The following AKAP13 variants were observed in gnomAD, a reference collection of about 807,000 sequenced individuals.
The protein encoded by AKAP13 is A-kinase anchor protein 13.
A neutral mutation model predicts 264.5 loss-of-function variants in AKAP13; 80 were observed. The observed-to-expected ratio is 0.30, with a 90% CI of 0.25 to 0.36. The LOEUF (loss-of-function observed/expected upper bound fraction) is 0.36, where lower values mean the gene tolerates loss of function less well. AKAP13 is among the 10% of genes least tolerant of loss of function. The pLI is 1.00. For synonymous variants in AKAP13, 1,380 were observed against 1,250.2 expected (o/e 1.10, Z -2.19); for missense variants, 3,712 against 3,435.2 (o/e 1.08, Z -2.01).
intron 7 of AKAP13, among the ~76,000 whole-genome samples, chr15:85,582,498 G>A (rs549132935): frequency 6.6e-6 from 1 of 152,078 alleles, no homozygotes; most frequent in South Asian, 2.1e-4. Context: ...AAAAAGCTGT[G>A]TTTTATCTAC....
chr15:85,743,875 T>TGAGA, intron 36 of AKAP13, 50 bp downstream of exon 36: 1 of 1,544,642 alleles, frequency 6.5e-7, no homozygotes, highest in South Asian at 1.2e-5. Flanking sequence ...CTGTGCATTC[T>TGAGA]GAGAGAGGGT....
intron 9 of AKAP13, 119 bp downstream of exon 9, chr15:85,639,568 G>A (rs2082210656): frequency 2.7e-6 from 2 of 750,960 alleles, no homozygotes; most frequent in Admixed American, 4.7e-5. Flanking sequence ...AGGGATGTAT[G>A]TGATCTGGGT....
chr15:85,587,415 C>G (rs1333318281), intron 8 of AKAP13, among the ~76,000 whole-genome samples: 1 of 152,140 alleles, frequency 6.6e-6, no homozygotes, highest in Non-Finnish European at 1.5e-5. Context: ...AAATACTGTT[C>G]CGTTGTATAG....
chr15:85,545,458 GT>G (rs1216989408), intron 5 of AKAP13, among the ~76,000 whole-genome samples: 2 of 152,190 alleles, frequency 1.3e-5, no homozygotes, highest in Admixed American at 1.3e-4. Flanking sequence ...ACTAGAGTGT[GT>G]TTGTTCTTTG....
At chr15:85,600,240 C>A (rs1454845369) in intron 8 of AKAP13, among the ~76,000 whole-genome samples, 1 of 148,192 alleles carries the variant, frequency 6.7e-6, no homozygotes, top group Non-Finnish European at 1.5e-5. Context: ...ATGTTTAATT[C>A]TTTTAGCAGT....
intron 8 of AKAP13, among the ~76,000 whole-genome samples, chr15:85,631,526 A>T (rs868459485): frequency 0.17 from 24,962 of 147,430 alleles, 2,399 homozygotes; most frequent in Non-Finnish European, 0.22. Context: ...ACACACACAC[A>T]CACACACACA....
chr15:85,416,990 A>G (rs980407850), intron 1 of AKAP13, among the ~76,000 whole-genome samples: 2 of 152,232 alleles, frequency 1.3e-5, no homozygotes, highest in Non-Finnish European at 2.9e-5. Context: ...TTATGCTTCA[A>G]AATGAAATAC....
At chr15:85,682,748 A>C (rs1597042629) in intron 15 of AKAP13, among the ~76,000 whole-genome samples, 1 of 152,018 alleles carries the variant, frequency 6.6e-6, no homozygotes, top group East Asian at 1.9e-4. Context: ...GCTCACTGCA[A>C]CCTCTGCCTC....
At chr15:85,437,417 C>T (rs1426450059) in intron 1 of AKAP13, among the ~76,000 whole-genome samples, 1 of 152,114 alleles carries the variant, frequency 6.6e-6, no homozygotes, top group Non-Finnish European at 1.5e-5. Context: ...ACCATTCCTT[C>T]TGAAACTATT....
chr15:85,601,397 A>G (rs566277816), intron 8 of AKAP13, among the ~76,000 whole-genome samples: 7 of 152,300 alleles, frequency 4.6e-5, no homozygotes, highest in African/African-American at 1.7e-4. Context: ...ATCATTCATA[A>G]TGTTATGAAA....
At chr15:85,535,801 T>G (rs12101529) in intron 4 of AKAP13, 1 of 115,410 alleles carries the variant, frequency 8.7e-6, no homozygotes, top group Non-Finnish European at 1.8e-5. Context: ...TTCTCTCTCT[T>G]TTTTTTTTTT....
At chr15:85,682,287 C>A in intron 15 of AKAP13, 75 bp downstream of exon 15, 1 of 1,429,958 alleles carries the variant, frequency 7.0e-7, no homozygotes, top group Non-Finnish European at 9.7e-7. Flanking sequence ...CATTTAATTA[C>A]GTAAACTAAG....
intron 17 of AKAP13, 108 bp from the exon 18 acceptor site, chr15:85,707,911 G>A: frequency 9.7e-7 from 1 of 1,031,636 alleles, no homozygotes; most frequent in Non-Finnish European, 1.5e-6. Flanking sequence ...TCTCACATGT[G>A]AGTGACTTCA....
intron 3 of AKAP13, among the ~76,000 whole-genome samples, chr15:85,532,330 A>G (rs1416005418): frequency 6.6e-6 from 1 of 152,266 alleles, no homozygotes; most frequent in South Asian, 2.1e-4. Flanking sequence ...CAGAAAGCTT[A>G]GTTCATTCCA....
intron 34 of AKAP13, 28 bp from the exon 35 acceptor site, chr15:85,741,018 G>T (rs1355323807): frequency 6.3e-7 from 1 of 1,578,074 alleles, no homozygotes; most frequent in Non-Finnish European, 8.6e-7. Context: ...GGCCAGAGTT[G>T]CAGGGCTCCC....
chr15:85,563,563 T>G (rs2078492756), intron 5 of AKAP13, among the ~76,000 whole-genome samples: 1 of 152,100 alleles, frequency 6.6e-6, no homozygotes, highest in Non-Finnish European at 1.5e-5. Context: ...TGCTCCTTGT[T>G]GCATTCAAAT....
intron 9 of AKAP13, among the ~76,000 whole-genome samples, chr15:85,645,450 A>G (rs1304829678): frequency 6.6e-6 from 1 of 152,220 alleles, no homozygotes; most frequent in Non-Finnish European, 1.5e-5. Context: ...TGGATTTTGA[A>G]GACAAAAGAA....
rs780579513 is a variant in AKAP13, at chr15:85,581,863, C to T, written c.3795C>T (p.Ala1265=). The T allele has an allele frequency of 6.0e-5, 97 of 1,614,054 alleles. No individual in the cohort carries two copies. Among genetic ancestry groups the T allele is most frequent in the Non-Finnish European group, 7.0e-5 (83 of 1,180,026 alleles). The change falls in exon 7 of 37, where the codon GCC becomes GCT. Residue 1265 remains alanine (A), a synonymous_variant. Transcript: ENST00000394518. ...IVDAVIEQVK[A]AGALLTEGEA... Reference sequence around the variant, plus strand: ...ATGCTGTCATCGAACAAGTCAAGGCCGCTGGAGCACTGCTTACTGAGGGGG... The same window carrying T: ...ATGCTGTCATCGAACAAGTCAAGGCTGCTGGAGCACTGCTTACTGAGGGGG...
intron 1 of AKAP13, among the ~76,000 whole-genome samples, chr15:85,472,876 G>C (rs572657950): frequency 1.3e-5 from 2 of 152,278 alleles, no homozygotes; most frequent in African/African-American, 4.8e-5. Flanking sequence ...GTTGTTTCTA[G>C]TAAATGTGGA....
Sources: allele counts gnomAD v4.1 joint callset (sites outside exome capture counted in the v4.1 genomes callset), GRCh38; gene constraint gnomAD v4.1.1; transcripts MANE v1.5; gene names NCBI Gene and HGNC (gene_info 2026-07-23, HGNC 2026-07-21).